The following CC2D1B variants were observed in gnomAD, a reference collection of about 807,000 sequenced individuals.
CC2D1B encodes coiled-coil and C2 domain-containing protein 1B.
In CC2D1B, 92 loss-of-function variants were observed where a neutral mutation model predicts 110.8. The observed-to-expected ratio is 0.83, with a 90% CI of 0.70 to 0.99. The LOEUF (loss-of-function observed/expected upper bound fraction) is 0.99. Among genes scored for constraint, CC2D1B ranks in the 50% least tolerant of loss-of-function variants. The probability of loss-of-function intolerance (pLI) is 0.00; values close to 1 mark genes in which losing one functional copy is unlikely to be tolerated. For synonymous variants in CC2D1B, 406 were observed against 429.2 expected (o/e 0.95, Z 0.67); for missense variants, 1,136 against 1,089.0 (o/e 1.04, Z -0.61).
intron 12 of CC2D1B, 40 bp downstream of exon 12, chr1:52,358,646 A>AC: frequency 6.2e-7 from 1 of 1,600,470 alleles, no homozygotes; most frequent in Non-Finnish European, 8.6e-7. Flanking sequence ...TTGCCCAGGG[A>AC]CCACCTCCTC....
At chr1:52,353,830 G>A in intron 23 of CC2D1B, 183 bp from the exon 24 acceptor site, 1 of 543,586 alleles carries the variant, frequency 1.8e-6, no homozygotes, top group Non-Finnish European at 3.2e-6. Flanking sequence ...GGTGGTTTTA[G>A]GTGAGTCTTA....
chr1:52,360,196 C>T lies in CC2D1B; in HGVS notation c.641G>A (p.Arg214Lys), dbSNP rs764222673. The T allele has an allele frequency of 9.3e-6, 15 of 1,614,106 alleles. No individual in the cohort carries two copies. The highest frequency in any genetic ancestry group is 1.6e-4 in the Middle Eastern group (1 of 6,062). Residue 214 changes from arginine to lysine, a missense_variant, in exon 7 of 25, where the codon AGA (arginine) becomes AAA (lysine). Arg to Lys is a conservative substitution (Grantham distance 26). Coordinates refer to ENST00000284376, the MANE Select transcript of CC2D1B (RefSeq NM_001330585.2). Reference protein sequence around the residue: ...ESQLASVRRGRKINEDEIPPP... With the variant: ...ESQLASVRRGKKINEDEIPPP... ...TGGGATCTCATCCTCATTGATCTTTCTGCCTCTCCTCACAGAGGCTAGCTG... is the reference window on the plus strand; with the variant it reads ...TGGGATCTCATCCTCATTGATCTTTTTGCCTCTCCTCACAGAGGCTAGCTG...
chr1:52,352,245 A>G lies in CC2D1B; in HGVS notation c.*980T>C, dbSNP rs1413496127. The stretch of plus-strand genomic sequence containing the variant: ...GAATATTAAATCTCTTACAACTACA[A>G]ACCCCTTCATAGTCTCCATCCATTC... On this transcript the variant is annotated 3_prime_UTR_variant, in exon 25 of 25. Coordinates refer to ENST00000284376, the MANE Select transcript of CC2D1B (RefSeq NM_001330585.2). 2 of 152,274 alleles carry G rather than the reference A, an allele frequency of 1.3e-5. No individual in the cohort carries two copies. Among genetic ancestry groups the G allele is most frequent in the Non-Finnish European group, 2.9e-5 (2 of 68,044 alleles). 9.4% of individuals were successfully genotyped at this position (152,274 alleles called of 1,614,324 possible).
rs1646628159 is a variant in CC2D1B, at chr1:52,355,464, G to A, written c.2188-15C>T. On this transcript the variant is annotated splice_polypyrimidine_tract_variant and intron_variant, in intron 20 of 24. Transcript: ENST00000284376. ...TGAGCCTGGTCCTAAGCAGTGAGGA[G>A]GGAGAAGTCAGGACAGCGTATAAAC... 1.2e-6 allele frequency: 2 copies of A among 1,614,006 alleles called. No individual in the cohort carries two copies. The highest frequency in any genetic ancestry group is 1.3e-5 in the African/African-American group (1 of 74,920).
chr1:52,355,669 G>A lies in CC2D1B; in HGVS notation c.2129-3C>T. 1 of 1,614,182 alleles carries A rather than the reference G, an allele frequency of 6.2e-7. No homozygotes were observed. The highest frequency in any genetic ancestry group is 2.2e-5 in the East Asian group (1 of 44,880). ...ATCCAGGTCATCGGGAGTCACCCCTGGGAAGGAGAAAAGGGAGTCAAGTCA... is the reference window on the plus strand; with the variant it reads ...ATCCAGGTCATCGGGAGTCACCCCTAGGAAGGAGAAAAGGGAGTCAAGTCA... On this transcript the variant is annotated splice_polypyrimidine_tract_variant and splice_region_variant and intron_variant, in intron 19 of 24. Coordinates refer to ENST00000284376, the MANE Select transcript of CC2D1B (RefSeq NM_001330585.2).
Position 52,359,780 on chromosome 1 carries a change from C to A in CC2D1B, c.867G>T (p.Glu289Asp), listed in dbSNP as rs1387875294. 6.2e-7 allele frequency: 1 copy of A among 1,611,212 alleles called. No homozygotes were observed. Among genetic ancestry groups the A allele is most frequent in the South Asian group, 1.1e-5 (1 of 90,352 alleles). The change falls in exon 8 of 25, where the codon GAG (glutamate) becomes GAT (aspartate). Residue 289 changes from glutamate to aspartate, a missense_variant. Glu to Asp is a conservative substitution (Grantham distance 45). Transcript: ENST00000284376. ...TGGCACTGAGGGCAGCCACTTTGTACTCTCTCTGTCGGGATGACAGCAGGG... is the reference window on the plus strand; with the variant it reads ...TGGCACTGAGGGCAGCCACTTTGTAATCTCTCTGTCGGGATGACAGCAGGG... ...PRALLSSRQR[E>D]YKVAALSAKR...
In CC2D1B at chr1:52,354,948, G is replaced by A. The variant is rs1352353691; in HGVS notation, c.2240-9C>T. On this transcript the variant is annotated splice_polypyrimidine_tract_variant and intron_variant, in intron 21 of 24. Coordinates refer to ENST00000284376, the MANE Select transcript of CC2D1B (RefSeq NM_001330585.2). The stretch of plus-strand genomic sequence containing the variant: ...GAAGAGTTGATCAAATTCTGGCAAA[G>A]GGGGAGAAAGCAAGGAGGGGCTTGG... 1 of 1,610,210 alleles carries A rather than the reference G, an allele frequency of 6.2e-7. No homozygotes were observed. Among genetic ancestry groups the A allele is most frequent in the Admixed American group, 1.7e-5 (1 of 60,000 alleles).
At chr1:52,356,692 C>G in intron 16 of CC2D1B, 1 of 604,536 alleles carries the variant, frequency 1.7e-6, no homozygotes, top group East Asian at 2.8e-5. Flanking sequence ...ACTCAAACAT[C>G]CCCTCAGAAG....
At position 52,354,952 on chromosome 1, in the gene CC2D1B, G is replaced by T. The variant is rs755924213; in HGVS notation, c.2240-13C>A. 2 of 1,605,850 alleles carry T rather than the reference G, an allele frequency of 1.2e-6. No individual in the cohort carries two copies. The highest frequency in any genetic ancestry group is 2.2e-5 in the South Asian group (2 of 90,930). ...AGTTGATCAAATTCTGGCAAAGGGG[G>T]AGAAAGCAAGGAGGGGCTTGGCTCT... On this transcript the variant is annotated splice_polypyrimidine_tract_variant and intron_variant, in intron 21 of 24. Transcript: ENST00000284376.
At position 52,350,635 on chromosome 1, in the gene CC2D1B, C is replaced by A. The variant is rs774372056; in HGVS notation, c.*2590G>T. 4 of 152,152 alleles carry A rather than the reference C, an allele frequency of 2.6e-5. No individual in the cohort carries two copies. Among genetic ancestry groups the A allele is most frequent in the Non-Finnish European group, 4.4e-5 (3 of 68,038 alleles). The allele number at this position is 152,152 out of a possible 1,614,324, so 9.4% of individuals were successfully genotyped here. On this transcript the variant is annotated 3_prime_UTR_variant, in exon 25 of 25. Coordinates refer to ENST00000284376, the MANE Select transcript of CC2D1B (RefSeq NM_001330585.2). Reference sequence around the variant, plus strand: ...CTGTAGTTTATTCAGTTTGCTAATTCAGAAGAAAGTGTGCATTGCATGAGA... The same window carrying A: ...CTGTAGTTTATTCAGTTTGCTAATTAAGAAGAAAGTGTGCATTGCATGAGA...
Position 52,359,529 on chromosome 1 carries a change from G to GA in CC2D1B, c.947dup (p.Gly317ArgfsTer23). The stretch of plus-strand genomic sequence containing the variant: ...TCTCCAGGGCCTCCAGGACAGCACC[G>GA]AATCTCTGCAGAAGTTGGAAAAGCA... On this transcript the variant is annotated frameshift_variant, in exon 9 of 25. Transcript: ENST00000284376. LOFTEE classifies it high-confidence loss of function. 4 of 1,613,748 alleles carry GA rather than the reference G, an allele frequency of 2.5e-6. No homozygotes were observed. In the South Asian group the frequency reaches 3.3e-5, roughly 13 times the overall value.
In CC2D1B at chr1:52,360,954, G is replaced by A. The variant is rs552055876; in HGVS notation, c.477+20C>T. The A allele has an allele frequency of 6.8e-6, 11 of 1,613,272 alleles. No individual in the cohort carries two copies. In the African/African-American group the frequency reaches 1.1e-4, roughly 16 times the overall value. ...CGCACAGGAGCATCAGAGGCACAGG[G>A]GCCCTCCTCCAGAACCCACCTGAGC... On this transcript the variant is annotated intron_variant, in intron 5 of 24. Coordinates refer to ENST00000284376, the MANE Select transcript of CC2D1B (RefSeq NM_001330585.2).
At chr1:52,362,490 T>C in intron 3 of CC2D1B, 112 bp downstream of exon 3, 1 of 1,317,480 alleles carries the variant, frequency 7.6e-7, no homozygotes, top group Non-Finnish European at 1.1e-6. Flanking sequence ...AGATGGGTAT[T>C]GGAAGGACCA....
rs1425279560 is a variant in CC2D1B, at chr1:52,357,590, A to G, written c.1688T>C (p.Val563Ala). ...GATCTGAGCCTCAAGCCATTTGGCT[A>G]CCCGCAGATAGGCTTTGGCCTGCTC... is the stretch of plus-strand genomic sequence containing the variant. ...DLEQAKAYLR[V>A]AKWLEAQIIQ... is the part of the protein sequence containing the mutation. The change falls in exon 15 of 25, where the codon GTA becomes GCA. Residue 563 changes from valine to alanine, a missense_variant. Coordinates refer to ENST00000284376, the MANE Select transcript of CC2D1B (RefSeq NM_001330585.2). The G allele has an allele frequency of 1.9e-6, 3 of 1,586,006 alleles. No homozygotes were observed. The Admixed American group carries it at 5.3e-5, about 28-fold the overall frequency.
At position 52,353,200 on chromosome 1, in the gene CC2D1B, T is replaced by A; in HGVS notation, c.*25A>T. 1 of 1,342,034 alleles carries A rather than the reference T, an allele frequency of 7.5e-7. No homozygotes were observed. The highest frequency in any genetic ancestry group is 9.9e-7 in the Non-Finnish European group (1 of 1,014,304). The allele number at this position is 1,342,034 out of a possible 1,614,324, so 83.1% of individuals were successfully genotyped here. On this transcript the variant is annotated 3_prime_UTR_variant, in exon 25 of 25. Transcript: ENST00000284376. ...ATCTCCTGCACAGTCGCGGCCTGAC[T>A]CCTCTCCTGGTGCTGGCCATCGGCT...
rs371067888 is a variant in CC2D1B, at chr1:52,364,625, G to T, written c.-5C>A. 3.7e-6 allele frequency: 6 copies of T among 1,604,846 alleles called. No homozygotes were observed. The highest frequency in any genetic ancestry group is 4.3e-6 in the Non-Finnish European group (5 of 1,172,958). ...AGGTCTTGGCCCTGGCATCATGGCAGCCTAGATACCTATGGAAGAGTTACA... is the reference window on the plus strand; with the variant it reads ...AGGTCTTGGCCCTGGCATCATGGCATCCTAGATACCTATGGAAGAGTTACA... On this transcript the variant is annotated 5_prime_UTR_variant, in exon 2 of 25. In the 5' UTR this introduces an upstream ATG that the reference lacks. Coordinates refer to ENST00000284376, the MANE Select transcript of CC2D1B (RefSeq NM_001330585.2).
At chr1:52,356,161 C>G in intron 18 of CC2D1B, 25 bp downstream of exon 18, 1 of 1,573,202 alleles carries the variant, frequency 6.4e-7, no homozygotes, top group East Asian at 2.2e-5. Context: ...CTGCCTGGAG[C>G]CCCTGTTTCC....
Position 52,356,293 on chromosome 1 carries a change from C to G in CC2D1B, c.1947G>C (p.Lys649Asn). Reference sequence around the variant, plus strand: ...GCTGTTTCTTGCGGTCCTGAGCAAGCTTCTCAAATCTGACAGGGATGGGTA... The same window carrying G: ...GCTGTTTCTTGCGGTCCTGAGCAAGGTTCTCAAATCTGACAGGGATGGGTA... ...GNVAETTRFEKLAQDRKKQLE... is the reference protein window; with the variant it reads ...GNVAETTRFENLAQDRKKQLE... Residue 649 changes from lysine (K) to asparagine (N), a missense_variant, in exon 18 of 25, where the codon AAG (lysine) becomes AAC (asparagine). Lys to Asn is a moderately conservative substitution (Grantham distance 94, BLOSUM62 0). Transcript: ENST00000284376. 1 of 1,614,204 alleles carries G rather than the reference C, an allele frequency of 6.2e-7. No individual in the cohort carries two copies. The highest frequency in any genetic ancestry group is 8.5e-7 in the Non-Finnish European group (1 of 1,180,018).
intron 2 of CC2D1B, among the ~76,000 whole-genome samples, chr1:52,364,188 C>T (rs1041773370): frequency 3.9e-5 from 6 of 152,134 alleles, no homozygotes; most frequent in African/African-American, 1.4e-4. Context: ...GAGAGGAGAC[C>T]CCCCTGTTCT....
Sources: allele counts gnomAD v4.1 joint callset (sites outside exome capture counted in the v4.1 genomes callset), GRCh38; gene constraint gnomAD v4.1.1; transcripts MANE v1.5; gene names NCBI Gene and HGNC (gene_info 2026-07-23, HGNC 2026-07-21).